The following PTPRD variants were observed in gnomAD, a reference collection of about 807,000 sequenced individuals.
PTPRD encodes receptor-type tyrosine-protein phosphatase delta.
A neutral mutation model predicts 214.5 loss-of-function variants in PTPRD; 34 were observed. The ratio of observed to expected loss-of-function variants is 0.16; its 90% CI spans 0.12 to 0.21. The LOEUF (loss-of-function observed/expected upper bound fraction) is 0.21, where lower values mean the gene tolerates loss of function less well. PTPRD is among the 10% of genes least tolerant of loss of function. PTPRD has a pLI of 1.00. For synonymous variants in PTPRD, 1,128 were observed against 845.7 expected (o/e 1.33, Z -5.79); for missense variants, 2,545 against 2,398.7 (o/e 1.06, Z -1.27).
At chr9:8,830,370 T>C (rs759319932) in intron 11 of PTPRD, among the ~76,000 whole-genome samples, 21 of 152,098 alleles carry the variant, frequency 1.4e-4, no homozygotes, top group Non-Finnish European at 2.8e-4. Flanking sequence ...GATTAAAAGA[T>C]ATGAGATAAA....
At chr9:10,074,832 A>C (rs548463592) in intron 3 of PTPRD, among the ~76,000 whole-genome samples, 1 of 152,254 alleles carries the variant, frequency 6.6e-6, no homozygotes, top group Non-Finnish European at 1.5e-5. Flanking sequence ...GCCATCTGAA[A>C]TGTTGTAATA....
intron 14 of PTPRD, among the ~76,000 whole-genome samples, chr9:8,612,741 G>T (rs1170508881): frequency 6.6e-6 from 1 of 152,202 alleles, no homozygotes; most frequent in Admixed American, 6.5e-5. Context: ...CCTGAGGCTG[G>T]TGGGACCACC....
intron 5 of PTPRD, among the ~76,000 whole-genome samples, chr9:9,935,514 T>C (rs1320301595): frequency 6.6e-6 from 1 of 152,160 alleles, no homozygotes; most frequent in Non-Finnish European, 1.5e-5. Context: ...GAATTCAACT[T>C]ACAAGGGATG....
intron 2 of PTPRD, among the ~76,000 whole-genome samples, chr9:10,530,639 A>G (rs775453261): frequency 6.6e-6 from 1 of 152,158 alleles, no homozygotes; most frequent in Non-Finnish European, 1.5e-5. Flanking sequence ...AAATGATGGG[A>G]CTATGGCAAA....
chr9:8,561,607 A>G (rs2086382223), intron 14 of PTPRD, among the ~76,000 whole-genome samples: 2 of 152,056 alleles, frequency 1.3e-5, no homozygotes, highest in East Asian at 1.9e-4. Context: ...GGTGGGGGTG[A>G]GGGGGGGTGG....
intron 6 of PTPRD, among the ~76,000 whole-genome samples, chr9:9,766,607 G>A (rs2098708854): frequency 6.6e-6 from 1 of 151,994 alleles, no homozygotes; most frequent in African/African-American, 2.4e-5. Flanking sequence ...ATGGATTAAG[G>A]CTTTCTGTAC....
intron 4 of PTPRD, among the ~76,000 whole-genome samples, chr9:9,972,559 A>ATTGT (rs2095166049): frequency 6.6e-6 from 1 of 152,164 alleles, no homozygotes; most frequent in Non-Finnish European, 1.5e-5. Context: ...TTGCTACCAT[A>ATTGT]ATACATTATA....
chr9:8,358,431 A>C (rs1309157920), intron 39 of PTPRD, among the ~76,000 whole-genome samples: 1 of 152,204 alleles, frequency 6.6e-6, no homozygotes, highest in East Asian at 1.9e-4. Context: ...TTTATGAAAG[A>C]ACCAGGCTGG....
intron 2 of PTPRD, among the ~76,000 whole-genome samples, chr9:10,585,798 G>A (rs1010870035): frequency 2.0e-5 from 3 of 151,610 alleles, no homozygotes; most frequent in Non-Finnish European, 4.4e-5. Context: ...GACTTTCCAG[G>A]ATAATACCTG....
intron 11 of PTPRD, chr9:8,962,102 C>G (rs1000337362): frequency 6.6e-6 from 1 of 152,100 alleles, no homozygotes; most frequent in African/African-American, 2.4e-5. Flanking sequence ...CTTTCTAATG[C>G]ATTTAACAAA....
At chr9:9,393,647 A>T (rs2066682486) in intron 9 of PTPRD, among the ~76,000 whole-genome samples, 2 of 152,156 alleles carry the variant, frequency 1.3e-5, no homozygotes, top group African/African-American at 2.4e-5. Flanking sequence ...GCAACAGATA[A>T]TTGATATAGT....
Position 10,024,307 on chromosome 9 carries a change from G to T in PTPRD, c.-472+9411C>A, listed in dbSNP as rs568895214. ...ATAAATTCTAGCTGCTTCTGAACCA[G>T]GAAGGCAATTTTCTCCTGAAAGGAA... On this transcript the variant is annotated intron_variant, in intron 4 of 45. Coordinates refer to ENST00000381196, the MANE Select transcript of PTPRD (RefSeq NM_002839.4). Among the ~76,000 whole-genome samples the T allele has an allele frequency of 9.9e-5, 15 of 152,222 alleles. No individual in the cohort carries two copies. In the East Asian group the frequency reaches 2.3e-3, roughly 24 times the overall value.
At chr9:9,412,246 T>G (rs1407023683) in intron 8 of PTPRD, among the ~76,000 whole-genome samples, 1 of 152,184 alleles carries the variant, frequency 6.6e-6, no homozygotes, top group Non-Finnish European at 1.5e-5. Context: ...TTATTTCAAA[T>G]GATAATAAAT....
chr9:10,313,979 G>C (rs543564348), intron 3 of PTPRD, among the ~76,000 whole-genome samples: 3 of 151,908 alleles, frequency 2.0e-5, no homozygotes, highest in African/African-American at 7.2e-5. Flanking sequence ...GGAGGTAGTG[G>C]TCTTTAAGCT....
rs111359382 is a variant in PTPRD, at chr9:9,770,389, T to C, written c.-367-3538A>G. ...TTAAGAAAAATACGGTGGTTTAATC[T>C]TACTTTTTTTAAAATTTACACCAAA... On this transcript the variant is annotated intron_variant, in intron 5 of 45. Transcript: ENST00000381196. Among the ~76,000 whole-genome samples the C allele has an allele frequency of 5.3e-3, 804 of 152,268 alleles. 11 individuals are homozygous for C. The highest frequency in any genetic ancestry group is 0.019 in the African/African-American group (769 of 41,544).
chr9:10,338,491 A>T (rs1196327725), intron 3 of PTPRD, among the ~76,000 whole-genome samples: 2 of 151,760 alleles, frequency 1.3e-5, no homozygotes, highest in Non-Finnish European at 1.5e-5. Flanking sequence ...TACTGTGGGT[A>T]TTCAGTGTTC....
At chr9:10,294,895 G>A (rs1004331361) in intron 3 of PTPRD, among the ~76,000 whole-genome samples, 36 of 151,930 alleles carry the variant, frequency 2.4e-4, no homozygotes, top group African/African-American at 7.7e-4. Context: ...GTTTTGGAAC[G>A]CCACGTTTGT....
chr9:9,108,549 C>T lies in PTPRD; in HGVS notation c.-143+74755G>A, dbSNP rs536040410. On this transcript the variant is annotated intron_variant, in intron 10 of 45. Transcript: ENST00000381196. ...TCCTCTATGTAGTGACTCACGGATC[C>T]AGGCTGCTTTTATCTTGGGCTTATG... Among the ~76,000 whole-genome samples, 9 of 152,274 alleles carry T rather than the reference C, an allele frequency of 5.9e-5. No homozygotes were observed. The South Asian group carries it at 1.9e-3, about 32-fold the overall frequency.
At chr9:9,565,493 G>A (rs938160627) in intron 8 of PTPRD, among the ~76,000 whole-genome samples, 1 of 151,844 alleles carries the variant, frequency 6.6e-6, no homozygotes, top group African/African-American at 2.4e-5. Flanking sequence ...TCTGAATGCA[G>A]AATGATGATG....
Sources: allele counts gnomAD v4.1 joint callset (sites outside exome capture counted in the v4.1 genomes callset), GRCh38; gene constraint gnomAD v4.1.1; transcripts MANE v1.5; gene names NCBI Gene and HGNC (gene_info 2026-07-23, HGNC 2026-07-21).